ST7: variants seen among roughly 807,000 people sequenced by gnomAD.
ST7 encodes suppressor of tumorigenicity 7 protein.
A neutral mutation model predicts 78.7 loss-of-function variants in ST7; 28 were observed. The ratio of observed to expected loss-of-function variants is 0.36; its 90% CI spans 0.26 to 0.49. ST7 has a LOEUF of 0.49. Ranked by LOEUF, ST7 falls within the 20% of genes least tolerant of loss-of-function variation. The pLI, the probability that ST7 is intolerant of heterozygous loss-of-function variation, is 0.99. For missense variants in ST7, 418 were observed against 696.0 expected (o/e 0.60, Z 4.49); for synonymous variants, 247 against 249.6 (o/e 0.99, Z 0.10).
intron 12 of ST7, among the ~76,000 whole-genome samples, chr7:117,203,830 C>G (rs1208385536): frequency 6.6e-6 from 1 of 152,138 alleles, no homozygotes; most frequent in Non-Finnish European, 1.5e-5. Context: ...ATGGTGCTTC[C>G]ATATCTGTGT....
chr7:116,961,942 C>A (rs533282303), intron 1 of ST7, among the ~76,000 whole-genome samples: 30 of 151,992 alleles, frequency 2.0e-4, no homozygotes, highest in Admixed American at 3.3e-4. Context: ...CTCACCCCCC[C>A]ACCCCCTGAC....
At chr7:117,033,596 G>C (rs1274636848) in intron 1 of ST7, among the ~76,000 whole-genome samples, 1 of 151,918 alleles carries the variant, frequency 6.6e-6, no homozygotes, top group African/African-American at 2.4e-5. Context: ...GCTAATTTTT[G>C]TATTTTTAGT....
intron 1 of ST7, among the ~76,000 whole-genome samples, chr7:117,012,471 C>T (rs1031141294): frequency 2.6e-5 from 4 of 151,966 alleles, no homozygotes; most frequent in South Asian, 2.1e-4. Context: ...CTCCTAGGGT[C>T]GTTTTAAGGG....
chr7:117,098,230 G>T (rs751670009), intron 1 of ST7, among the ~76,000 whole-genome samples: 13 of 151,576 alleles, frequency 8.6e-5, no homozygotes, highest in Non-Finnish European at 1.8e-4. Context: ...TGTCTTTGTT[G>T]CTCAGTCTCC....
chr7:117,223,162 T>C, intron 15 of ST7: 2 of 596,304 alleles, frequency 3.4e-6, no homozygotes, highest in Middle Eastern at 4.4e-4. Context: ...CCTAAGCAAC[T>C]AGGCCTTCAG....
intron 1 of ST7, among the ~76,000 whole-genome samples, chr7:117,048,274 C>T (rs758768039): frequency 3.3e-5 from 5 of 152,002 alleles, no homozygotes; most frequent in African/African-American, 7.3e-5. Flanking sequence ...TACAAAAATA[C>T]ATCATAATTT....
intron 10 of ST7, chr7:117,187,658 A>G (rs551745325): frequency 6.6e-6 from 1 of 152,292 alleles, no homozygotes; most frequent in African/African-American, 2.4e-5. Context: ...ACACAACTTG[A>G]TCTTTCTTGT....
chr7:117,222,977 C>T, intron 15 of ST7: 1 of 1,601,210 alleles, frequency 6.2e-7, no homozygotes, highest in East Asian at 2.2e-5. Flanking sequence ...ATTTCCAAAA[C>T]TGAACTCATC....
intron 9 of ST7, among the ~76,000 whole-genome samples, chr7:117,143,926 T>G (rs1584461744): frequency 6.6e-6 from 1 of 152,210 alleles, no homozygotes; most frequent in African/African-American, 2.4e-5. Flanking sequence ...AGACTAATAG[T>G]TCTCAAACTT....
chr7:117,014,749 A>G (rs1638605519), intron 1 of ST7: 5 of 321,530 alleles, frequency 1.6e-5, no homozygotes, highest in African/African-American at 4.3e-5. Context: ...AATAATTAAT[A>G]CAGGAGGGAA....
At chr7:117,034,041 TG>T (rs769507210) in intron 1 of ST7, among the ~76,000 whole-genome samples, 3 of 152,114 alleles carry the variant, frequency 2.0e-5, no homozygotes, top group Non-Finnish European at 4.4e-5. Context: ...TCTGGGCTCT[TG>T]GTGATCCTCC....
At chr7:117,155,861 A>G (rs1806649427) in intron 9 of ST7, among the ~76,000 whole-genome samples, 2 of 152,196 alleles carry the variant, frequency 1.3e-5, no homozygotes, top group South Asian at 4.1e-4. Flanking sequence ...TGCTCCAGCC[A>G]TGCTGGCCTT....
chr7:116,956,364 C>T, intron 1 of ST7: 1 of 410,270 alleles, frequency 2.4e-6, no homozygotes, highest in Non-Finnish European at 5.1e-6. Context: ...CCTGGTCTAA[C>T]TTGTCCTTGC....
At chr7:117,115,957 C>T (rs957066040) in intron 2 of ST7, among the ~76,000 whole-genome samples, 2 of 152,164 alleles carry the variant, frequency 1.3e-5, no homozygotes, top group Non-Finnish European at 2.9e-5. Flanking sequence ...ATCTCTTCAT[C>T]CAACATCAAC....
intron 12 of ST7, among the ~76,000 whole-genome samples, chr7:117,200,851 T>C (rs1229799916): frequency 6.8e-6 from 1 of 146,398 alleles, no homozygotes; most frequent in Admixed American, 6.8e-5. Context: ...AAAAGAAAGC[T>C]CATCTAATGT....
At chr7:116,975,503 G>A (rs1793656462) in intron 1 of ST7, among the ~76,000 whole-genome samples, 1 of 152,044 alleles carries the variant, frequency 6.6e-6, no homozygotes, top group Admixed American at 6.6e-5. Context: ...CACCTCCCGG[G>A]TTCAAGCGGT....
At chr7:117,189,280 C>T in intron 10 of ST7, 41 bp from the exon 11 acceptor site, 1 of 1,473,948 alleles carries the variant, frequency 6.8e-7, no homozygotes, top group Non-Finnish European at 9.4e-7. Flanking sequence ...CTCTTTGTTA[C>T]CTGCAAACTT....
chr7:117,178,727 A>G (rs1808523612), intron 10 of ST7, among the ~76,000 whole-genome samples: 1 of 152,222 alleles, frequency 6.6e-6, no homozygotes, highest in Non-Finnish European at 1.5e-5. Flanking sequence ...TATTAGGTCA[A>G]AAAGGTTATC....
intron 1 of ST7, chr7:116,965,940 GA>G: frequency 3.8e-6 from 1 of 265,260 alleles, no homozygotes; most frequent in Non-Finnish European, 8.1e-6. Context: ...TCTAGCAGGG[GA>G]AATGTAGTTG....
Sources: gnomAD v4.1 joint callset for allele counts (sites outside exome capture counted in the v4.1 genomes callset) on GRCh38, gnomAD v4.1.1 for gene constraint, MANE v1.5 for transcripts, NCBI Gene and HGNC (gene_info 2026-07-23, HGNC 2026-07-21) for gene names.